The following TNNI3K variants were observed in gnomAD, a reference collection of about 807,000 sequenced individuals.
TNNI3K encodes serine/threonine-protein kinase TNNI3K.
Under a neutral mutation model 114.5 loss-of-function variants are expected in TNNI3K, and 140 were observed. That is an observed-to-expected ratio of 1.22 (90% confidence interval 1.07 to 1.41). The LOEUF (loss-of-function observed/expected upper bound fraction) is 1.41. Among genes scored for constraint, TNNI3K ranks in the 40% most tolerant of loss-of-function variants. The pLI is 0.00. For synonymous variants in TNNI3K, 347 were observed against 347.5 expected (o/e 1.00, Z 0.02); for missense variants, 1,125 against 1,007.6 (o/e 1.12, Z -1.58).
intron 23 of TNNI3K, among the ~76,000 whole-genome samples, chr1:74,502,747 C>A (rs1338226709): frequency 6.6e-6 from 1 of 152,174 alleles, no homozygotes; most frequent in African/African-American, 2.4e-5. Flanking sequence ...TCAGCTTATG[C>A]CTCCTGAAGA....
At chr1:74,500,783 G>A (rs1041118460) in intron 23 of TNNI3K, among the ~76,000 whole-genome samples, 1 of 151,782 alleles carries the variant, frequency 6.6e-6, no homozygotes, top group African/African-American at 2.4e-5. Flanking sequence ...CACCTTCAGG[G>A]GGAAAATGCT....
intron 23 of TNNI3K, among the ~76,000 whole-genome samples, chr1:74,497,018 T>C (rs190961887): frequency 6.6e-6 from 1 of 152,318 alleles, no homozygotes; most frequent in East Asian, 1.9e-4. Flanking sequence ...GTAAAACAGA[T>C]ACATTTGGGA....
At chr1:74,466,607 A>G (rs1166621829) in intron 21 of TNNI3K, among the ~76,000 whole-genome samples, 3 of 152,170 alleles carry the variant, frequency 2.0e-5, no homozygotes, top group Non-Finnish European at 2.9e-5. Context: ...TAGGAAAGCA[A>G]AGTCTTCAGC....
intron 21 of TNNI3K, 110 bp from the exon 22 acceptor site, chr1:74,489,079 C>G (rs371374875): frequency 1.2e-6 from 1 of 832,040 alleles, no homozygotes; most frequent in East Asian, 2.7e-5. Flanking sequence ...TAAAAATATA[C>G]TTTATTGTTA....
chr1:74,262,278 C>G (rs1028513149), intron 4 of TNNI3K, among the ~76,000 whole-genome samples: 3 of 152,044 alleles, frequency 2.0e-5, no homozygotes, highest in African/African-American at 7.2e-5. Context: ...CATCCCTGTC[C>G]TCTGTTCTCT....
chr1:74,507,780 G>A (rs530786630), intron 23 of TNNI3K, among the ~76,000 whole-genome samples: 63 of 152,262 alleles, frequency 4.1e-4, no homozygotes, highest in South Asian at 1.2e-3. Context: ...ATGAGCTACC[G>A]TCATCCAGGA....
chr1:74,539,544 A>C (rs764512018), intron 23 of TNNI3K, among the ~76,000 whole-genome samples: 1 of 152,106 alleles, frequency 6.6e-6, no homozygotes, highest in African/African-American at 2.4e-5. Context: ...AAAGAGAAGG[A>C]GGAGTTTGAG....
At chr1:74,354,354 C>G (rs1661546760) in intron 11 of TNNI3K, among the ~76,000 whole-genome samples, 1 of 152,064 alleles carries the variant, frequency 6.6e-6, no homozygotes, top group South Asian at 2.1e-4. Flanking sequence ...AGTATTGGCA[C>G]TTTGAAAAGG....
chr1:74,445,535 A>G (rs1221938647), intron 20 of TNNI3K, among the ~76,000 whole-genome samples: 1 of 149,942 alleles, frequency 6.7e-6, no homozygotes, highest in African/African-American at 2.5e-5. Flanking sequence ...CCATGTCCCT[A>G]CAAAGGACGT....
At chr1:74,351,318 G>A (rs1661326093) in intron 9 of TNNI3K, among the ~76,000 whole-genome samples, 1 of 151,322 alleles carries the variant, frequency 6.6e-6, no homozygotes, top group South Asian at 2.1e-4. Context: ...GGCTTGTAGA[G>A]TTTCTGCCGA....
chr1:74,276,665 G>T (rs1250423749), intron 5 of TNNI3K, among the ~76,000 whole-genome samples: 1 of 151,964 alleles, frequency 6.6e-6, no homozygotes, highest in African/African-American at 2.4e-5. Context: ...ATCTTTTATT[G>T]CCCACCTTTC....
chr1:74,477,969 G>A (rs1668289163), intron 21 of TNNI3K, among the ~76,000 whole-genome samples: 1 of 152,148 alleles, frequency 6.6e-6, no homozygotes, highest in Non-Finnish European at 1.5e-5. Context: ...TAGTGTAAGT[G>A]TCAAGATATT....
At chr1:74,434,921 C>A (rs2100660280) in intron 17 of TNNI3K, among the ~76,000 whole-genome samples, 1 of 152,012 alleles carries the variant, frequency 6.6e-6, no homozygotes, top group South Asian at 2.1e-4. Context: ...TAAAGTGATT[C>A]AATATCATAT....
intron 23 of TNNI3K, among the ~76,000 whole-genome samples, chr1:74,505,150 G>C (rs1256568280): frequency 6.6e-6 from 1 of 152,134 alleles, no homozygotes; most frequent in East Asian, 1.9e-4. Flanking sequence ...CACAGATCCC[G>C]CCTTTGGCAG....
At chr1:74,423,261 T>A (rs1214118891) in intron 17 of TNNI3K, among the ~76,000 whole-genome samples, 1 of 150,544 alleles carries the variant, frequency 6.6e-6, no homozygotes, top group African/African-American at 2.4e-5. Flanking sequence ...TCCTTAATCA[T>A]CATTTTTTTG....
chr1:74,507,443 C>T (rs984070186), intron 23 of TNNI3K, among the ~76,000 whole-genome samples: 3 of 152,248 alleles, frequency 2.0e-5, no homozygotes, highest in African/African-American at 4.8e-5. Flanking sequence ...CACACACATG[C>T]GCACGCACTT....
chr1:74,358,902 T>TA (rs1179078564), intron 11 of TNNI3K, among the ~76,000 whole-genome samples: 1 of 152,020 alleles, frequency 6.6e-6, no homozygotes, highest in African/African-American at 2.4e-5. Flanking sequence ...AAAGAGAACT[T>TA]ACATTCATTG....
chr1:74,521,238 A>G (rs538722318), intron 23 of TNNI3K, among the ~76,000 whole-genome samples: 1 of 152,080 alleles, frequency 6.6e-6, no homozygotes, highest in South Asian at 2.1e-4. Context: ...TGGCACTGCC[A>G]TTTTCTCTGT....
chr1:74,353,939 C>CT (rs1661521571), intron 10 of TNNI3K, 41 bp from the exon 11 acceptor site: 1 of 1,570,120 alleles, frequency 6.4e-7, no homozygotes, highest in Middle Eastern at 1.7e-4. Context: ...AGCAGTTTTT[C>CT]TTTTTTCTCC....
Sources: allele counts gnomAD v4.1 joint callset (sites outside exome capture counted in the v4.1 genomes callset), GRCh38; gene constraint gnomAD v4.1.1; transcripts MANE v1.5; gene names NCBI Gene and HGNC (gene_info 2026-07-23, HGNC 2026-07-21).